Variants in LRFN5 observed in about 807,000 individuals in gnomAD.
The protein encoded by LRFN5 is leucine rich repeat and fibronectin type III domain containing 5, also known as leucine-rich repeat and fibronectin type-III domain-containing protein 5.
LRFN5 carries 24 observed loss-of-function variants against 45.6 expected under a neutral mutation model. That is an observed-to-expected ratio of 0.53 (90% CI 0.38 to 0.74). LRFN5 has a LOEUF of 0.74. LRFN5 is among the 30% of genes least tolerant of loss of function. LRFN5 has a pLI of 0.00. For missense variants in LRFN5, 776 were observed against 861.5 expected, an observed-to-expected ratio of 0.90 and a Z score of 1.24; for synonymous variants, 340 against 313.8, an observed-to-expected ratio of 1.08 and a Z score of -0.88.
chr14:41,796,368 G>C (rs888298403), intron 2 of LRFN5, among the ~76,000 whole-genome samples: 2 of 151,888 alleles, frequency 1.3e-5, no homozygotes, highest in African/African-American at 4.8e-5. Flanking sequence ...TAAGCTTAGT[G>C]CATGTGAATA....
intron 1 of LRFN5, among the ~76,000 whole-genome samples, chr14:41,646,259 A>G (rs1594578318): frequency 6.6e-6 from 1 of 152,144 alleles, no homozygotes. Context: ...TTAATCTCCT[A>G]TCCCATTGAT....
chr14:41,621,120 G>T (rs1888121370), intron 1 of LRFN5, among the ~76,000 whole-genome samples: 1 of 151,990 alleles, frequency 6.6e-6, no homozygotes, highest in Non-Finnish European at 1.5e-5. Context: ...GTTTACATTT[G>T]AGGATACACG....
chr14:41,618,757 G>GA (rs1888008420), intron 1 of LRFN5, among the ~76,000 whole-genome samples: 1 of 152,010 alleles, frequency 6.6e-6, no homozygotes, highest in African/African-American at 2.4e-5. Flanking sequence ...TACCTCTCTA[G>GA]AAAAAAAGCC....
chr14:41,762,137 G>T (rs1167615146), intron 1 of LRFN5, among the ~76,000 whole-genome samples: 4 of 101,398 alleles, frequency 3.9e-5, no homozygotes, highest in South Asian at 3.2e-4. Context: ...TTCACACCCT[G>T]AAAAAAAAAA....
chr14:41,665,188 A>C (rs1179482660), intron 1 of LRFN5, among the ~76,000 whole-genome samples: 2 of 152,116 alleles, frequency 1.3e-5, no homozygotes, highest in Non-Finnish European at 2.9e-5. Context: ...CTGGTTTCCA[A>C]AATTGTTTTA....
chr14:41,671,774 A>T (rs1169732756), intron 1 of LRFN5, among the ~76,000 whole-genome samples: 1 of 151,752 alleles, frequency 6.6e-6, no homozygotes, highest in Non-Finnish European at 1.5e-5. Context: ...GTGCACCATC[A>T]TGCCCGGCTA....
Position 41,862,496 on chromosome 14 carries a change from A to G in LRFN5, c.-20-24110A>G, listed in dbSNP as rs189598542. ...ATTCCTTCTTTTTTTTCGTGATTGC[A>G]TATAATGCTGATAGGAACATTCCCA... is the stretch of plus-strand genomic sequence containing the variant. On this transcript the variant is annotated intron_variant, in intron 2 of 5. Transcript: ENST00000298119. Among the ~76,000 whole-genome samples the G allele has an allele frequency of 1.7e-3, 259 of 152,212 alleles. 2 individuals are homozygous for G. Among genetic ancestry groups the G allele is most frequent in the Middle Eastern group, 6.8e-3 (2 of 294 alleles).
intron 1 of LRFN5, among the ~76,000 whole-genome samples, chr14:41,763,104 T>G (rs936933014): frequency 6.6e-6 from 1 of 152,204 alleles, no homozygotes; most frequent in African/African-American, 2.4e-5. Context: ...AGGGCAGGTT[T>G]AGGAAGAATT....
At chr14:41,776,457 CAG>C (rs1886296448) in intron 2 of LRFN5, among the ~76,000 whole-genome samples, 1 of 152,058 alleles carries the variant, frequency 6.6e-6, no homozygotes, top group East Asian at 1.9e-4. Context: ...GCGAATAACA[CAG>C]AGATAATTTT....
At chr14:41,748,333 C>G (rs1885002226) in intron 1 of LRFN5, among the ~76,000 whole-genome samples, 1 of 151,814 alleles carries the variant, frequency 6.6e-6, no homozygotes, top group Non-Finnish European at 1.5e-5. Context: ...GAATATTAGC[C>G]TCATAAAGGA....
At chr14:41,766,400 C>T (rs771046881) in intron 1 of LRFN5, among the ~76,000 whole-genome samples, 7 of 151,996 alleles carry the variant, frequency 4.6e-5, no homozygotes, top group Non-Finnish European at 1.0e-4. Flanking sequence ...GAAAAATATA[C>T]GGGAAAAACA....
intron 2 of LRFN5, among the ~76,000 whole-genome samples, chr14:41,822,788 A>G (rs960844408): frequency 6.7e-6 from 1 of 149,668 alleles, no homozygotes; most frequent in Non-Finnish European, 1.5e-5. Context: ...ATATTTTATT[A>G]GGTCTAGTAA....
intron 1 of LRFN5, among the ~76,000 whole-genome samples, chr14:41,728,596 T>C (rs1594651416): frequency 6.6e-6 from 1 of 152,206 alleles, no homozygotes; most frequent in Non-Finnish European, 1.5e-5. Flanking sequence ...AGATTTCTTT[T>C]GTAATTAAGA....
At chr14:41,630,630 C>T (rs1400766211) in intron 1 of LRFN5, among the ~76,000 whole-genome samples, 3 of 151,954 alleles carry the variant, frequency 2.0e-5, no homozygotes, top group Non-Finnish European at 4.4e-5. Context: ...AAGAGCATTG[C>T]TATTTTGCAC....
intron 1 of LRFN5, among the ~76,000 whole-genome samples, chr14:41,708,140 T>C (rs1297679472): frequency 6.6e-6 from 1 of 152,002 alleles, no homozygotes; most frequent in Non-Finnish European, 1.5e-5. Flanking sequence ...TCCATATTCA[T>C]AAAGTTTTTA....
chr14:41,611,825 A>G (rs1428318096), intron 1 of LRFN5, among the ~76,000 whole-genome samples: 1 of 152,176 alleles, frequency 6.6e-6, no homozygotes, highest in East Asian at 1.9e-4. Flanking sequence ...AGCAGCCAGA[A>G]GTGATTTCTT....
At chr14:41,803,884 G>T (rs192320224) in intron 2 of LRFN5, among the ~76,000 whole-genome samples, 23 of 152,156 alleles carry the variant, frequency 1.5e-4, no homozygotes, top group Middle Eastern at 3.4e-3. Context: ...TTTGTTTTGA[G>T]ACAGAGTCTC....
intron 1 of LRFN5, among the ~76,000 whole-genome samples, chr14:41,651,722 T>C (rs1459214795): frequency 2.0e-5 from 3 of 152,204 alleles, no homozygotes; most frequent in African/African-American, 4.8e-5. Context: ...AAGCATACTA[T>C]ATTGGATGAT....
chr14:41,850,356 G>A (rs1412880981), intron 2 of LRFN5, among the ~76,000 whole-genome samples: 1 of 151,736 alleles, frequency 6.6e-6, no homozygotes, highest in Non-Finnish European at 1.5e-5. Flanking sequence ...GTTAAATCCA[G>A]TCACATAAAT....
Sources: gnomAD v4.1 joint callset for allele counts (sites outside exome capture counted in the v4.1 genomes callset) on GRCh38, gnomAD v4.1.1 for gene constraint, MANE v1.5 for transcripts, NCBI Gene and HGNC (gene_info 2026-07-23, HGNC 2026-07-21) for gene names.